SLC35F3: variants seen among roughly 807,000 people sequenced by gnomAD.
SLC35F3 encodes solute carrier family 35 member F3.
A neutral mutation model predicts 49.9 loss-of-function variants in SLC35F3; 25 were observed. That is an observed-to-expected ratio of 0.50 (90% confidence interval 0.37 to 0.70). The LOEUF is 0.70. SLC35F3 is among the 30% of genes least tolerant of loss of function. The pLI, the probability that SLC35F3 is intolerant of heterozygous loss-of-function variation, is 0.00. For synonymous variants in SLC35F3, 275 were observed against 265.4 expected (o/e 1.04, Z -0.35); for missense variants, 525 against 639.8 (o/e 0.82, Z 1.94).
intron 2 of SLC35F3, among the ~76,000 whole-genome samples, chr1:233,978,007 C>T (rs1457147932): frequency 6.6e-6 from 1 of 152,178 alleles, no homozygotes; most frequent in Non-Finnish European, 1.5e-5. Flanking sequence ...AGGTTTCCTT[C>T]TAGGCCATAC....
chr1:234,266,011 C>T (rs1361851551), intron 3 of SLC35F3, among the ~76,000 whole-genome samples: 1 of 152,186 alleles, frequency 6.6e-6, no homozygotes, highest in Non-Finnish European at 1.5e-5. Flanking sequence ...GACCCTACAG[C>T]TCAGCAGTCC....
chr1:234,069,060 TATA>T (rs1349344990), intron 2 of SLC35F3, among the ~76,000 whole-genome samples: 1 of 88,944 alleles, frequency 1.1e-5, no homozygotes, highest in Non-Finnish European at 2.1e-5. Flanking sequence ...TAATATATAT[TATA>T]ATATATATTA....
At chr1:233,923,013 GT>G (rs1662091781) in intron 2 of SLC35F3, among the ~76,000 whole-genome samples, 2 of 152,176 alleles carry the variant, frequency 1.3e-5, no homozygotes, top group African/African-American at 2.4e-5. Flanking sequence ...CTATATCCGC[GT>G]TTTGGTACCA....
In SLC35F3 at chr1:233,905,512, G is replaced by C. The variant is rs775256899; in HGVS notation, c.54-17G>C. ...TCCCCCTGCCCACCCACCTGCCCGT[G>C]GCGCCTGCGACCGCAGTGGCATGAG... On this transcript the variant is annotated splice_polypyrimidine_tract_variant and intron_variant, in intron 1 of 7. Coordinates refer to ENST00000366618, the MANE Select transcript of SLC35F3 (RefSeq NM_173508.4). 25 of 1,597,036 alleles carry C rather than the reference G, an allele frequency of 1.6e-5. 1 individual carries two copies. The highest frequency in any genetic ancestry group is 2.1e-5 in the Non-Finnish European group (25 of 1,169,740).
At chr1:234,254,223 C>T (rs1184071571) in intron 3 of SLC35F3, among the ~76,000 whole-genome samples, 2 of 152,194 alleles carry the variant, frequency 1.3e-5, no homozygotes, top group Non-Finnish European at 2.9e-5. Context: ...CTTCCCTATG[C>T]ACTGGCTTTC....
intron 2 of SLC35F3, among the ~76,000 whole-genome samples, chr1:233,917,582 G>A (rs573816651): frequency 5.9e-5 from 9 of 152,218 alleles, no homozygotes; most frequent in African/African-American, 1.9e-4. Context: ...AAAAAAGCTA[G>A]CCTGAGACAT....
intron 2 of SLC35F3, among the ~76,000 whole-genome samples, chr1:233,917,439 A>ATT (rs145001578): frequency 2.0e-5 from 3 of 150,110 alleles, no homozygotes; most frequent in Non-Finnish European, 3.0e-5. Context: ...GTCATTAAAC[A>ATT]TTTTTTTTTT....
At chr1:234,114,492 G>A (rs1331920693) in intron 2 of SLC35F3, among the ~76,000 whole-genome samples, 1 of 152,168 alleles carries the variant, frequency 6.6e-6, no homozygotes, top group African/African-American at 2.4e-5. Flanking sequence ...TTAGTTTGAA[G>A]GGAGAATTGC....
intron 2 of SLC35F3, among the ~76,000 whole-genome samples, chr1:234,081,787 G>T (rs1664880104): frequency 6.6e-6 from 1 of 151,598 alleles, no homozygotes; most frequent in African/African-American, 2.4e-5. Context: ...GCCCAGGCTG[G>T]AGTGCAGTGG....
intron 2 of SLC35F3, among the ~76,000 whole-genome samples, chr1:234,088,758 A>T (rs934499410): frequency 1.3e-5 from 2 of 151,928 alleles, no homozygotes; most frequent in Non-Finnish European, 2.9e-5. Flanking sequence ...AACACAGAAG[A>T]TTTCTTTTTT....
At chr1:234,185,090 G>A (rs142069410) in intron 2 of SLC35F3, among the ~76,000 whole-genome samples, 93 of 152,288 alleles carry the variant, frequency 6.1e-4, no homozygotes, top group African/African-American at 2.0e-3. Context: ...ACAATACATC[G>A]AGGGAGAGTA....
intron 2 of SLC35F3, among the ~76,000 whole-genome samples, chr1:234,085,710 T>C (rs1664950454): frequency 6.6e-6 from 1 of 152,188 alleles, no homozygotes; most frequent in African/African-American, 2.4e-5. Context: ...CCCCATACTT[T>C]ATAAAACTCA....
chr1:233,920,300 C>G (rs898396676), intron 2 of SLC35F3, among the ~76,000 whole-genome samples: 2 of 152,150 alleles, frequency 1.3e-5, no homozygotes, highest in African/African-American at 4.8e-5. Flanking sequence ...TGATTGGTTT[C>G]AGAATGAAAT....
chr1:234,073,828 C>T (rs527639484), intron 2 of SLC35F3, among the ~76,000 whole-genome samples: 29 of 152,056 alleles, frequency 1.9e-4, no homozygotes, highest in Non-Finnish European at 3.5e-4. Context: ...AGTTTGATGT[C>T]GTACTTGCTT....
intron 2 of SLC35F3, among the ~76,000 whole-genome samples, chr1:234,129,470 C>T (rs1020964862): frequency 6.6e-6 from 1 of 152,180 alleles, no homozygotes; most frequent in Non-Finnish European, 1.5e-5. Context: ...AAAAGATACA[C>T]CATGTTTATG....
chr1:234,250,839 A>T (rs1335799569), intron 3 of SLC35F3, among the ~76,000 whole-genome samples: 1 of 152,098 alleles, frequency 6.6e-6, no homozygotes. Context: ...CTTTTTAACA[A>T]TTGGCTGCCA....
intron 2 of SLC35F3, among the ~76,000 whole-genome samples, chr1:234,107,726 G>C (rs573832395): frequency 6.6e-6 from 1 of 152,250 alleles, no homozygotes; most frequent in Non-Finnish European, 1.5e-5. Flanking sequence ...GGTTTCCTCA[G>C]CTATAAAAGA....
chr1:234,067,858 T>C (rs532483875), intron 2 of SLC35F3, among the ~76,000 whole-genome samples: 19 of 152,192 alleles, frequency 1.2e-4, no homozygotes, highest in Non-Finnish European at 2.8e-4. Context: ...GTCATGGTGG[T>C]GGTGATTTGT....
chr1:234,108,154 T>C (rs1665311906), intron 2 of SLC35F3, among the ~76,000 whole-genome samples: 2 of 145,904 alleles, frequency 1.4e-5, no homozygotes, highest in South Asian at 2.1e-4. Context: ...TTGTGCAACA[T>C]AGCGATACCC....
Sources: gnomAD v4.1 joint callset for allele counts (sites outside exome capture counted in the v4.1 genomes callset) on GRCh38, gnomAD v4.1.1 for gene constraint, MANE v1.5 for transcripts, NCBI Gene and HGNC (gene_info 2026-07-23, HGNC 2026-07-21) for gene names.